CADPS: variants seen among roughly 807,000 people sequenced by gnomAD.
The protein encoded by CADPS is calcium-dependent secretion activator 1.
CADPS carries 57 observed loss-of-function variants against 167.3 expected under a neutral mutation model. That is an observed-to-expected ratio of 0.34 (90% CI 0.28 to 0.42). The LOEUF (loss-of-function observed/expected upper bound fraction) is 0.42, where lower values mean the gene tolerates loss of function less well. Ranked by LOEUF, CADPS falls within the 20% of genes least tolerant of loss-of-function variation. CADPS has a pLI of 1.00. For synonymous variants in CADPS, 676 were observed against 635.3 expected (o/e 1.06, Z -0.96); for missense variants, 1,414 against 1,738.1 (o/e 0.81, Z 3.32).
At chr3:62,810,798 C>T (rs1318073435) in intron 1 of CADPS, among the ~76,000 whole-genome samples, 1 of 152,236 alleles carries the variant, frequency 6.6e-6, no homozygotes, top group East Asian at 1.9e-4. Context: ...TCCCGGTCCA[C>T]AAGTAGAAAT....
chr3:62,465,443 G>C lies in CADPS; in HGVS notation c.3560C>G (p.Thr1187Ser). Residue 1187 changes from threonine to serine, a missense_variant, in exon 26 of 30, where the codon ACT (threonine) becomes AGT (serine). Thr to Ser is a moderately conservative substitution (Grantham distance 58). Transcript: ENST00000383710. This position sits in a 1 kb window ranked among gnomAD's most constrained non-coding sequence, Gnocchi z 4.1. The part of the protein sequence containing the change: ...MITLLVAKFV[T>S]ILEGVLAKLS... ...TTTTGCCAGCACTCCTTCCAAGATA[G>C]TAACGAACTAGAAAAACAGCAAAAA... 1 of 1,601,040 alleles carries C rather than the reference G, an allele frequency of 6.2e-7. No homozygotes were observed. The highest frequency in any genetic ancestry group is 8.5e-7 in the Non-Finnish European group (1 of 1,174,074).
chr3:62,505,141 A>T (rs1402428672), intron 17 of CADPS, among the ~76,000 whole-genome samples: 2 of 152,224 alleles, frequency 1.3e-5, no homozygotes, highest in East Asian at 3.9e-4. Context: ...TACTATCCTG[A>T]ATACCCAGCT....
chr3:62,453,545 G>A (rs1000501504), intron 26 of CADPS, among the ~76,000 whole-genome samples: 9 of 152,188 alleles, frequency 5.9e-5, no homozygotes, highest in African/African-American at 2.2e-4. Context: ...TGCTCTAAGT[G>A]CATCTTGGGA....
Position 62,544,347 on chromosome 3 carries a change from C to T in CADPS, c.1966+5556G>A, listed in dbSNP as rs2076145588. ...AGTTAACAACTCTGGGTTTCCTACC[C>T]CACTTATTTTTTAAGGTATCCATGG... is the stretch of plus-strand genomic sequence containing the variant. On this transcript the variant is annotated intron_variant, in intron 11 of 29. Coordinates refer to ENST00000383710, the MANE Select transcript of CADPS (RefSeq NM_003716.4). This position sits in a 1 kb window ranked among gnomAD's most constrained non-coding sequence, Gnocchi z 4.4. Among the ~76,000 whole-genome samples, 1 of 151,936 alleles carries T rather than the reference C, an allele frequency of 6.6e-6. No individual in the cohort carries two copies. Among genetic ancestry groups the T allele is most frequent in the Non-Finnish European group, 1.5e-5 (1 of 67,964 alleles).
chr3:62,506,856 G>A (rs1410508883), intron 17 of CADPS, among the ~76,000 whole-genome samples: 1 of 152,154 alleles, frequency 6.6e-6, no homozygotes, highest in Non-Finnish European at 1.5e-5. Flanking sequence ...TTCTTCTAGA[G>A]TCATTAGCTA....
At chr3:62,444,445 C>T (rs146603683) in intron 27 of CADPS, among the ~76,000 whole-genome samples, 18 of 152,294 alleles carry the variant, frequency 1.2e-4, no homozygotes, top group African/African-American at 4.3e-4. Context: ...ATCGTCATCT[C>T]CATTTTAAAG....
intron 3 of CADPS, among the ~76,000 whole-genome samples, chr3:62,722,278 G>C (rs772522770): frequency 1.3e-5 from 2 of 152,240 alleles, no homozygotes; most frequent in African/African-American, 4.8e-5. Flanking sequence ...TGCCGACTTG[G>C]TGAGGCAAAG....
At position 62,809,655 on chromosome 3, in the gene CADPS, T is replaced by C. The variant is rs78943552; in HGVS notation, c.442-43671A>G. On this transcript the variant is annotated intron_variant, in intron 1 of 29. Transcript: ENST00000383710. ...TTATCACTCTCTGGTGGTTTTCTTA[T>C]TAATTACTTGAACAGTCTTCTGTCT... Among the ~76,000 whole-genome samples the C allele has an allele frequency of 1.4e-3, 220 of 152,288 alleles. 1 individual carries two copies. The highest frequency in any genetic ancestry group is 2.1e-3 in the Non-Finnish European group (146 of 68,014).
chr3:62,426,927 T>A (rs2149519348), intron 28 of CADPS, among the ~76,000 whole-genome samples: 1 of 148,574 alleles, frequency 6.7e-6, no homozygotes, highest in South Asian at 2.1e-4. Context: ...AAAAAAAAAT[T>A]AGCTGGGCAT....
chr3:62,720,507 A>T (rs530530697), intron 3 of CADPS, among the ~76,000 whole-genome samples: 1 of 152,164 alleles, frequency 6.6e-6, no homozygotes, highest in South Asian at 2.1e-4. Flanking sequence ...TAATTTTTAG[A>T]AAATTATTTT....
intron 26 of CADPS, among the ~76,000 whole-genome samples, chr3:62,447,154 G>C (rs1239485576): frequency 6.6e-6 from 1 of 152,126 alleles, no homozygotes; most frequent in Non-Finnish European, 1.5e-5. Flanking sequence ...GTTGACCCTG[G>C]GGAAATCATG....
In CADPS at chr3:62,399,408, A is replaced by G. The variant is rs1191982427; in HGVS notation, c.4060T>C (p.Ter1354GlnextTer5). 1.2e-6 allele frequency: 2 copies of G among 1,614,090 alleles called. No homozygotes were observed. ...AGCAGACTCTAGGACCAAATGGTCT[A>G]ATCGTCTTCTTCGTCTTCCTCATCG... is the stretch of plus-strand genomic sequence containing the variant. Reference protein sequence around the residue: ...DSDEEDEEDD* With the variant: ...DSDEEDEEDDQ The change falls in exon 30 of 30, where the codon TAG (stop) becomes CAG (glutamine). Residue 1354 changes from the stop codon to glutamine (Q), a stop_lost. Transcript: ENST00000383710. The surrounding 1 kb of genome is among the most constrained non-coding windows in gnomAD (Gnocchi z 5.6).
chr3:62,415,752 C>T (rs1408510177), intron 28 of CADPS, among the ~76,000 whole-genome samples: 1 of 152,130 alleles, frequency 6.6e-6, no homozygotes, highest in African/African-American at 2.4e-5. Context: ...GCAAGGGTTC[C>T]CCGCTGGGCC....
intron 2 of CADPS, among the ~76,000 whole-genome samples, chr3:62,758,601 T>C (rs1037412344): frequency 2.0e-5 from 3 of 152,222 alleles, no homozygotes; most frequent in Non-Finnish European, 2.9e-5. Flanking sequence ...GCTCTGTCTG[T>C]ATTTTGTATC....
intron 1 of CADPS, among the ~76,000 whole-genome samples, chr3:62,841,232 G>A (rs2076601144): frequency 1.3e-5 from 2 of 152,256 alleles, no homozygotes; most frequent in South Asian, 4.1e-4. Flanking sequence ...AGTAAGAGAA[G>A]AAAACTCTTT....
intron 26 of CADPS, among the ~76,000 whole-genome samples, chr3:62,461,984 GC>G: frequency 6.6e-6 from 1 of 152,300 alleles, no homozygotes; most frequent in East Asian, 1.9e-4. Flanking sequence ...TCCAGAACCA[GC>G]ATATTTGTTA....
chr3:62,863,490 G>A (rs1480598267), intron 1 of CADPS, among the ~76,000 whole-genome samples: 3 of 152,182 alleles, frequency 2.0e-5, no homozygotes, highest in Middle Eastern at 3.4e-3. Context: ...TTCTACCTAG[G>A]AAAGTAATGA....
At chr3:62,836,946 T>C (rs1261286929) in intron 1 of CADPS, among the ~76,000 whole-genome samples, 1 of 152,184 alleles carries the variant, frequency 6.6e-6, no homozygotes, top group East Asian at 1.9e-4. Context: ...CCCATCTTTC[T>C]ACCAATATAG....
intron 23 of CADPS, among the ~76,000 whole-genome samples, chr3:62,475,874 A>G (rs2061258987): frequency 6.6e-6 from 1 of 152,170 alleles, no homozygotes; most frequent in African/African-American, 2.4e-5. Context: ...GAAATGCTAA[A>G]TTGCTCCCTT....
Sources: gnomAD v4.1 joint callset for allele counts (sites outside exome capture counted in the v4.1 genomes callset) on GRCh38, gnomAD v4.1.1 for gene constraint, Gnocchi (gnomAD v3.1) non-coding constraint, MANE v1.5 for transcripts, NCBI Gene and HGNC (gene_info 2026-07-23, HGNC 2026-07-21) for gene names.